The following IPO7 variants were observed in gnomAD, a reference collection of about 807,000 sequenced individuals.
The protein encoded by IPO7 is importin-7.
Under a neutral mutation model 136.4 loss-of-function variants are expected in IPO7, and 13 were observed. The observed-to-expected ratio is 0.10, with a 90% CI of 0.06 to 0.15. IPO7 has a LOEUF of 0.15. Ranked by LOEUF, IPO7 falls within the 10% of genes least tolerant of loss-of-function variation. IPO7 has a pLI of 1.00. For synonymous variants in IPO7, 403 were observed against 404.4 expected (o/e 1.00, Z 0.04); for missense variants, 857 against 1,240.6 (o/e 0.69, Z 4.65).
intron 22 of IPO7, among the ~76,000 whole-genome samples, chr11:9,438,887 C>G (rs542830130): frequency 2.4e-4 from 36 of 152,256 alleles, no homozygotes; most frequent in Admixed American, 1.1e-3. Context: ...CAAAAGTTTT[C>G]TATCCGACTG....
intron 6 of IPO7, among the ~76,000 whole-genome samples, chr11:9,417,766 G>T (rs150924291): frequency 2.0e-5 from 3 of 149,880 alleles, no homozygotes; most frequent in Non-Finnish European, 3.0e-5. Context: ...AGGCTGGAGT[G>T]CAGTGGCGCA....
chr11:9,420,016 CCTT>C (rs1341935459), intron 6 of IPO7, among the ~76,000 whole-genome samples: 1 of 152,158 alleles, frequency 6.6e-6, no homozygotes, highest in Non-Finnish European at 1.5e-5. Flanking sequence ...CCAAGTCTAA[CCTT>C]CTACTATGAA....
rs951282002 is a variant in IPO7 at position 9,434,656 on chromosome 11, G to C, written c.2075-278G>C. On this transcript the variant is annotated intron_variant, in intron 18 of 24. Coordinates refer to ENST00000379719, the MANE Select transcript of IPO7 (RefSeq NM_006391.3). Reference sequence around the variant, plus strand: ...AAACTTTTAAAAATTAATCAGGCGAGGTGGCGTGTGCCTATAGTCCCAGCT... The same window carrying C: ...AAACTTTTAAAAATTAATCAGGCGACGTGGCGTGTGCCTATAGTCCCAGCT... Among the ~76,000 whole-genome samples, 20 of 152,124 alleles carry C rather than the reference G, an allele frequency of 1.3e-4. 1 individual carries two copies. Among genetic ancestry groups the C allele is most frequent in the African/African-American group, 4.3e-4 (18 of 41,426 alleles).
In IPO7 at chr11:9,435,017, A is replaced by G; in HGVS notation, c.2158A>G (p.Ser720Gly). The change falls in exon 19 of 25, where the codon AGT (serine) becomes GGT (glycine). Residue 720 changes from serine (S) to glycine (G), a missense_variant. Coordinates refer to ENST00000379719, the MANE Select transcript of IPO7 (RefSeq NM_006391.3). Reference protein sequence around the residue: ...SDTKYLEMIYSMCKKVLTGVA... With the variant: ...SDTKYLEMIYGMCKKVLTGVA... The stretch of plus-strand genomic sequence containing the variant: ...CACCAAGTATCTTGAAATGATATAC[A>G]GTATGTGCAAAAAGGTAGGTCATTT... The G allele has an allele frequency of 6.3e-7, 1 of 1,594,112 alleles. No homozygotes were observed. Among genetic ancestry groups the G allele is most frequent in the Non-Finnish European group, 8.6e-7 (1 of 1,162,452 alleles).
intron 22 of IPO7, among the ~76,000 whole-genome samples, chr11:9,439,301 A>T (rs1285724502): frequency 1.3e-5 from 2 of 152,086 alleles, no homozygotes. Flanking sequence ...TTTTTAGTAG[A>T]GACAGGATTT....
chr11:9,422,978 G>T, intron 8 of IPO7, 28 bp from the exon 9 acceptor site: 1 of 1,448,254 alleles, frequency 6.9e-7, no homozygotes, highest in South Asian at 1.5e-5. Context: ...TTTGAACATT[G>T]ATTTGTGATC....
chr11:9,400,837 G>T (rs560674558), intron 1 of IPO7, among the ~76,000 whole-genome samples: 1 of 152,090 alleles, frequency 6.6e-6, no homozygotes. Context: ...CACCCAGCTG[G>T]AAAATTCTCT....
chr11:9,412,840 AG>A (rs1457532024), intron 4 of IPO7, among the ~76,000 whole-genome samples: 1 of 144,434 alleles, frequency 6.9e-6, no homozygotes, highest in African/African-American at 2.6e-5. Flanking sequence ...CAAAAAAAAA[AG>A]GATACTGGAA....
intron 2 of IPO7, among the ~76,000 whole-genome samples, chr11:9,405,561 T>A (rs1007732310): frequency 2.6e-5 from 4 of 152,190 alleles, no homozygotes; most frequent in Non-Finnish European, 5.9e-5. Context: ...TAGCTGGGAC[T>A]GTAGGCACGT....
chr11:9,443,305 C>T (rs115364290), intron 24 of IPO7, among the ~76,000 whole-genome samples: 1,521 of 152,100 alleles, frequency 0.01, 23 homozygotes, highest in African/African-American at 0.034. Flanking sequence ...AAAATGTAAA[C>T]ACCTAAGCCG....
intron 1 of IPO7, among the ~76,000 whole-genome samples, chr11:9,400,866 A>C (rs1854784160): frequency 6.6e-6 from 1 of 151,824 alleles, no homozygotes; most frequent in Non-Finnish European, 1.5e-5. Flanking sequence ...GTGTTTGCAG[A>C]GTGGGGTAAA....
At chr11:9,397,333 T>A (rs12271594) in intron 1 of IPO7, among the ~76,000 whole-genome samples, 50,199 of 52,424 alleles carry the variant, frequency 0.96, 24,343 homozygotes, top group Non-Finnish European at 0.99. Context: ...AAAAATAATT[T>A]AAAAAAAAAT....
intron 1 of IPO7, among the ~76,000 whole-genome samples, chr11:9,397,361 T>TATATATATATAGATATATATATATTA (rs377148636): frequency 2.4e-5 from 1 of 42,282 alleles, no homozygotes; most frequent in Non-Finnish European, 4.0e-5. Context: ...TATATATATA[T>TATATATATATAGATATATATATATTA]ATATTAGTCG....
intron 13 of IPO7, 136 bp from the exon 14 acceptor site, chr11:9,428,895 G>T: frequency 4.8e-6 from 4 of 829,582 alleles, no homozygotes; most frequent in Non-Finnish European, 8.6e-6. Flanking sequence ...TCATAGTACT[G>T]GTCTAGTGTT....
intron 20 of IPO7, among the ~76,000 whole-genome samples, chr11:9,436,858 ATATATATATATTTTTTTTTTTTTTT>A (rs1855379478): frequency 5.6e-5 from 1 of 17,858 alleles, no homozygotes; most frequent in Non-Finnish European, 9.4e-5. Context: ...ATATATATAT[ATATATATATATTTTTTTTTTTTTTT>A]TTTTTTTTTT....
chr11:9,433,871 C>CT, intron 18 of IPO7, 25 bp downstream of exon 18: 1 of 1,594,820 alleles, frequency 6.3e-7, no homozygotes, highest in Non-Finnish European at 8.5e-7. Flanking sequence ...CATGGAAATA[C>CT]TGAGGGTTTT....
At chr11:9,418,002 T>A (rs991573708) in intron 6 of IPO7, among the ~76,000 whole-genome samples, 14 of 149,816 alleles carry the variant, frequency 9.3e-5, no homozygotes, top group African/African-American at 3.2e-4. Context: ...CGTGAGCCAC[T>A]GTGCCCGGCC....
intron 1 of IPO7, 118 bp from the exon 2 acceptor site, chr11:9,403,172 A>G (rs1428706767): frequency 8.6e-6 from 6 of 699,532 alleles, no homozygotes; most frequent in Admixed American, 2.6e-5. Flanking sequence ...GACTGGAACC[A>G]GTTATGAAGA....
intron 22 of IPO7, among the ~76,000 whole-genome samples, chr11:9,439,621 A>G (rs566173387): frequency 2.0e-5 from 3 of 151,452 alleles, no homozygotes; most frequent in South Asian, 2.1e-4. Flanking sequence ...TTCTGTCGCC[A>G]AGCTGGAGTG....
Sources: gnomAD v4.1 joint callset for allele counts (sites outside exome capture counted in the v4.1 genomes callset) on GRCh38, gnomAD v4.1.1 for gene constraint, MANE v1.5 for transcripts, NCBI Gene and HGNC (gene_info 2026-07-23, HGNC 2026-07-21) for gene names.